The following GRIK1 variants were observed in gnomAD, a reference collection of about 807,000 sequenced individuals.
GRIK1 encodes glutamate ionotropic receptor kainate type subunit 1.
In GRIK1, 69 loss-of-function variants were observed where a neutral mutation model predicts 105.7. That is an observed-to-expected ratio of 0.65 (90% confidence interval 0.54 to 0.80). The LOEUF is 0.80. Ranked by LOEUF, GRIK1 falls within the 30% of genes least tolerant of loss-of-function variation. The pLI is 0.00. For synonymous variants in GRIK1, 438 were observed against 431.3 expected (o/e 1.02, Z -0.19); for missense variants, 1,109 against 1,167.3 (o/e 0.95, Z 0.73).
chr21:29,872,192 C>CTT (rs35165931), intron 1 of GRIK1, among the ~76,000 whole-genome samples: 10 of 107,674 alleles, frequency 9.3e-5, no homozygotes, highest in African/African-American at 2.0e-4. Context: ...GCTCTCACTT[C>CTT]TTTTTTTTTT....
chr21:29,680,726 T>A (rs79902562), intron 3 of GRIK1, among the ~76,000 whole-genome samples: 2 of 152,270 alleles, frequency 1.3e-5, no homozygotes. Flanking sequence ...TTCATCATTG[T>A]TGTTGTTAGT....
At chr21:29,543,032 T>A (rs1601068078) in intron 16 of GRIK1, among the ~76,000 whole-genome samples, 1 of 152,204 alleles carries the variant, frequency 6.6e-6, no homozygotes, top group Non-Finnish European at 1.5e-5. Flanking sequence ...ATTTGGAGTA[T>A]TTTTATAAAG....
chr21:29,902,147 C>T (rs1376449858), intron 1 of GRIK1, among the ~76,000 whole-genome samples: 1 of 152,176 alleles, frequency 6.6e-6, no homozygotes, highest in Non-Finnish European at 1.5e-5. Context: ...GAATGTATCT[C>T]AAAATACTGA....
intron 1 of GRIK1, among the ~76,000 whole-genome samples, chr21:29,932,752 C>T (rs1480237039): frequency 2.6e-5 from 4 of 151,508 alleles, no homozygotes; most frequent in Non-Finnish European, 4.4e-5. Flanking sequence ...TTTTGTGTTG[C>T]CATGAAAATT....
At chr21:29,784,173 A>G (rs779566732) in intron 1 of GRIK1, among the ~76,000 whole-genome samples, 1 of 152,210 alleles carries the variant, frequency 6.6e-6, no homozygotes, top group Non-Finnish European at 1.5e-5. Context: ...ATATAAAAGA[A>G]GCTTTTTCAG....
chr21:29,781,415 G>A (rs1018365898), intron 1 of GRIK1, among the ~76,000 whole-genome samples: 9 of 151,900 alleles, frequency 5.9e-5, no homozygotes, highest in African/African-American at 1.9e-4. Context: ...ATTAGCCCAT[G>A]CAATATCCCT....
At chr21:29,902,485 C>G (rs2070446323) in intron 1 of GRIK1, among the ~76,000 whole-genome samples, 1 of 152,204 alleles carries the variant, frequency 6.6e-6, no homozygotes, top group South Asian at 2.1e-4. Flanking sequence ...AAATCACAAG[C>G]ATTCTTATAC....
At chr21:29,805,895 C>A (rs1208492211) in intron 1 of GRIK1, among the ~76,000 whole-genome samples, 1 of 152,090 alleles carries the variant, frequency 6.6e-6, no homozygotes, top group African/African-American at 2.4e-5. Context: ...TTGGTGAAAT[C>A]TCTGCATCAT....
intron 1 of GRIK1, among the ~76,000 whole-genome samples, chr21:29,720,625 A>G (rs1309868936): frequency 1.3e-5 from 2 of 152,110 alleles, no homozygotes; most frequent in Non-Finnish European, 2.9e-5. Flanking sequence ...TGGCCGGCTC[A>G]TGGAGCTTCG....
chr21:29,927,831 A>G (rs2071432946), intron 1 of GRIK1, among the ~76,000 whole-genome samples: 1 of 152,148 alleles, frequency 6.6e-6, no homozygotes, highest in African/African-American at 2.4e-5. Context: ...AGATCGCACC[A>G]CTGCACTCCA....
intron 1 of GRIK1, among the ~76,000 whole-genome samples, chr21:29,848,674 T>C (rs1239363469): frequency 6.6e-6 from 1 of 151,010 alleles, no homozygotes; most frequent in African/African-American, 2.4e-5. Context: ...AGGCTCTATA[T>C]AGCCTGGCAT....
At chr21:29,846,519 A>T (rs1045206954) in intron 1 of GRIK1, among the ~76,000 whole-genome samples, 11 of 145,836 alleles carry the variant, frequency 7.5e-5, no homozygotes, top group Non-Finnish European at 1.4e-4. Flanking sequence ...GAAAGAAAGA[A>T]ATGCTTCTTC....
In GRIK1 at chr21:29,908,606, C is replaced by T. The variant is rs147194462; in HGVS notation, c.118+30777G>A. Among the ~76,000 whole-genome samples, 17 of 152,252 alleles carry T rather than the reference C, an allele frequency of 1.1e-4. No individual in the cohort carries two copies. In the East Asian group the frequency reaches 2.7e-3, roughly 24 times the overall value. On this transcript the variant is annotated intron_variant, in intron 1 of 17. Transcript: ENST00000327783. ...TTCAAAATCAAGCTACCTCACTAGTCGAGACAAGCTGCATCTCAGGCATTT... is the reference window on the plus strand; with the variant it reads ...TTCAAAATCAAGCTACCTCACTAGTTGAGACAAGCTGCATCTCAGGCATTT...
chr21:29,760,805 T>C (rs1356234398), intron 1 of GRIK1, among the ~76,000 whole-genome samples: 1 of 152,202 alleles, frequency 6.6e-6, no homozygotes, highest in Non-Finnish European at 1.5e-5. Flanking sequence ...GACAGAAAAC[T>C]GTACCTCTGT....
chr21:29,838,631 A>G (rs887628607), intron 1 of GRIK1, among the ~76,000 whole-genome samples: 4 of 152,218 alleles, frequency 2.6e-5, no homozygotes, highest in African/African-American at 9.6e-5. Flanking sequence ...CACAGCAAAT[A>G]ATAGAAGACT....
intron 16 of GRIK1, among the ~76,000 whole-genome samples, chr21:29,540,090 G>A (rs1216673073): frequency 2.0e-5 from 3 of 152,166 alleles, no homozygotes; most frequent in Non-Finnish European, 2.9e-5. Flanking sequence ...ATCTCTGACT[G>A]TGACTTGACA....
intron 1 of GRIK1, among the ~76,000 whole-genome samples, chr21:29,841,856 C>A (rs1040509672): frequency 9.2e-5 from 14 of 152,104 alleles, no homozygotes; most frequent in Admixed American, 9.2e-4. Flanking sequence ...TTGCTTGAAT[C>A]AGTTGCCTCA....
intron 14 of GRIK1, among the ~76,000 whole-genome samples, chr21:29,567,194 A>G (rs1459532038): frequency 6.6e-6 from 1 of 152,204 alleles, no homozygotes; most frequent in Non-Finnish European, 1.5e-5. Context: ...TGCTTTTCAT[A>G]TAGTTTCACT....
chr21:29,743,483 G>T (rs1479539847), intron 1 of GRIK1, among the ~76,000 whole-genome samples: 2 of 152,036 alleles, frequency 1.3e-5, no homozygotes, highest in Middle Eastern at 3.2e-3. Context: ...ATCACCTGAG[G>T]TTAGGAGTTC....
Sources: allele counts gnomAD v4.1 joint callset (sites outside exome capture counted in the v4.1 genomes callset), GRCh38; gene constraint gnomAD v4.1.1; transcripts MANE v1.5; gene names NCBI Gene and HGNC (gene_info 2026-07-23, HGNC 2026-07-21).